Variants in LRIG2 observed in about 807,000 individuals in gnomAD.
LRIG2 encodes leucine rich repeats and immunoglobulin like domains 2.
Under a neutral mutation model 107.8 loss-of-function variants are expected in LRIG2, and 93 were observed. The ratio of observed to expected loss-of-function variants is 0.86; its 90% CI spans 0.73 to 1.03. The LOEUF (loss-of-function observed/expected upper bound fraction) is 1.03. Among genes scored for constraint, LRIG2 ranks in the 50% least tolerant of loss-of-function variants. The pLI is 0.00. For synonymous variants in LRIG2, 471 were observed against 470.6 expected (o/e 1.00, Z -0.01); for missense variants, 1,226 against 1,296.0 (o/e 0.95, Z 0.83).
At chr1:113,115,809 A>C (rs2101062873) in intron 15 of LRIG2, among the ~76,000 whole-genome samples, 1 of 152,304 alleles carries the variant, frequency 6.6e-6, no homozygotes, top group South Asian at 2.1e-4. Flanking sequence ...TACAAGCGTG[A>C]GCCACCACGC....
At chr1:113,089,817 C>T (rs1303079105) in intron 1 of LRIG2, among the ~76,000 whole-genome samples, 5 of 151,230 alleles carry the variant, frequency 3.3e-5, no homozygotes, top group Admixed American at 2.0e-4. Flanking sequence ...CTCAGCCTCC[C>T]GAGTAGCTGG....
At chr1:113,106,025 C>A (rs1654524396) in intron 11 of LRIG2, among the ~76,000 whole-genome samples, 1 of 152,080 alleles carries the variant, frequency 6.6e-6, no homozygotes, top group Admixed American at 6.6e-5. Context: ...GTCAAGAGAT[C>A]AAGACCATCC....
intron 11 of LRIG2, 43 bp from the exon 12 acceptor site, chr1:113,107,551 A>G (rs1268961886): frequency 6.3e-7 from 1 of 1,585,152 alleles, no homozygotes. Flanking sequence ...GTTTAGAATG[A>G]AAAGTAAAAC....
chr1:113,073,251 C>A lies in LRIG2; in HGVS notation c.-156C>A. 1.5e-6 allele frequency: 1 copy of A among 670,080 alleles called. No individual in the cohort carries two copies. The highest frequency in any genetic ancestry group is 2.5e-5 in the East Asian group (1 of 39,400). The allele number at this position is 670,080 out of a possible 1,614,324, so 41.5% of individuals were successfully genotyped here. A position where few individuals can be genotyped will look rare whatever the true frequency, so the allele number is the denominator to read the frequency against. The stretch of plus-strand genomic sequence containing the variant: ...TCCCAGGCCGTCGACCCCGCTGTCG[C>A]GCTGCGTCTGCTCCTTGCATGCCTT... On this transcript the variant is annotated 5_prime_UTR_variant, in exon 1 of 18. Coordinates refer to ENST00000361127, the MANE Select transcript of LRIG2 (RefSeq NM_014813.3).
intron 1 of LRIG2, among the ~76,000 whole-genome samples, chr1:113,089,696 T>TTTTTG: frequency 6.9e-6 from 1 of 144,452 alleles, no homozygotes. Context: ...TTTTTTTTTT[T>TTTTTG]TTGGAGACAG....
At chr1:113,107,081 T>C (rs1402765634) in intron 11 of LRIG2, among the ~76,000 whole-genome samples, 2 of 152,168 alleles carry the variant, frequency 1.3e-5, no homozygotes, top group Non-Finnish European at 2.9e-5. Flanking sequence ...CACACAAATA[T>C]ATATATACAT....
intron 1 of LRIG2, among the ~76,000 whole-genome samples, chr1:113,079,052 A>G (rs1653127601): frequency 6.6e-6 from 1 of 152,150 alleles, no homozygotes. Flanking sequence ...TAAATTGAAA[A>G]TGAGCCCTGT....
intron 16 of LRIG2, among the ~76,000 whole-genome samples, chr1:113,117,065 A>T (rs1655051901): frequency 6.6e-6 from 1 of 152,192 alleles, no homozygotes; most frequent in African/African-American, 2.4e-5. Context: ...GAGTTCCCTA[A>T]TTAAATGAAC....
Position 113,107,669 on chromosome 1 carries a change from T to A in LRIG2, c.1389T>A (p.Phe463Leu). Residue 463 changes from phenylalanine (F) to leucine (L), a missense_variant, in exon 12 of 18, where the codon TTT becomes TTA. Phe to Leu is a conservative substitution (Grantham distance 22). Coordinates refer to ENST00000361127, the MANE Select transcript of LRIG2 (RefSeq NM_014813.3). The part of the protein sequence containing the change: ...WLLQWLVDNN[F>L]QHSVNVSCAH... ...TTCAATGGTTGGTTGATAATAACTT[T>A]CAACATTCTGTGAATGTAAGCTGTG... The A allele has an allele frequency of 1.9e-6, 3 of 1,613,958 alleles. No homozygotes were observed. The highest frequency in any genetic ancestry group is 2.5e-6 in the Non-Finnish European group (3 of 1,179,888).
Position 113,128,433 on chromosome 1 carries a change from A to G in LRIG2, c.*4332A>G, listed in dbSNP as rs1655571553. 1 of 152,122 alleles carries G rather than the reference A, an allele frequency of 6.6e-6. No individual in the cohort carries two copies. 9.4% of individuals were successfully genotyped at this position (152,122 alleles called of 1,614,324 possible). On this transcript the variant is annotated 3_prime_UTR_variant, in exon 18 of 18. Transcript: ENST00000361127. ...CAAGGGTGAGTCTTTTTACTTCTCT[A>G]GGCTAGATTTTCTCATTTATGAAAT...
intron 6 of LRIG2, among the ~76,000 whole-genome samples, chr1:113,095,404 A>G (rs1168273547): frequency 1.3e-5 from 2 of 151,738 alleles, no homozygotes; most frequent in African/African-American, 4.8e-5. Flanking sequence ...CTAGCACTAA[A>G]TCTCTTTTTT....
At position 113,110,477 on chromosome 1, in the gene LRIG2, T is replaced by C; in HGVS notation, c.1713T>C (p.Asn571=). The change falls in exon 13 of 18, where the codon AAT becomes AAC. Residue 571 remains asparagine (N), a synonymous_variant. Coordinates refer to ENST00000361127, the MANE Select transcript of LRIG2 (RefSeq NM_014813.3). ...GTATCTTACATCTTTTCAATGTGAA[T>C]TTCACAGATGAAGGAAAATATCAGT... ...YTSILHLFNV[N]FTDEGKYQCI... 6.2e-7 allele frequency: 1 copy of C among 1,613,880 alleles called. No individual in the cohort carries two copies. Among genetic ancestry groups the C allele is most frequent in the Non-Finnish European group, 8.5e-7 (1 of 1,179,700 alleles).
chr1:113,124,009 T>G lies in LRIG2; in HGVS notation c.3106T>G (p.Ser1036Ala). ...EGLAGREPDC[S>A]ASSMSCHRLQ... is the part of the protein sequence containing the mutation. ...CCTGGCAGGGAGAGAGCCAGACTGTTCTGCTTCTTCCATGTCCTGCCACAG... is the reference window on the plus strand; with the variant it reads ...CCTGGCAGGGAGAGAGCCAGACTGTGCTGCTTCTTCCATGTCCTGCCACAG... Residue 1036 changes from serine to alanine, a missense_variant, in exon 18 of 18, where the codon TCT becomes GCT. Physicochemically the swap from Ser to Ala is moderately conservative, Grantham distance 99. Coordinates refer to ENST00000361127, the MANE Select transcript of LRIG2 (RefSeq NM_014813.3). The G allele has an allele frequency of 6.2e-7, 1 of 1,614,154 alleles. No homozygotes were observed. The highest frequency in any genetic ancestry group is 8.5e-7 in the Non-Finnish European group (1 of 1,180,030).
chr1:113,130,292 A>G lies in LRIG2; in HGVS notation c.*6191A>G, dbSNP rs769175793. ...AACTCAGAATAACTTTCATGTTTAA[A>G]AACAGCTGTCTTCACATTGCCCATT... On this transcript the variant is annotated 3_prime_UTR_variant, in exon 18 of 18. Coordinates refer to ENST00000361127, the MANE Select transcript of LRIG2 (RefSeq NM_014813.3). 2.6e-5 allele frequency: 4 copies of G among 152,222 alleles called. No individual in the cohort carries two copies. Among genetic ancestry groups the G allele is most frequent in the Non-Finnish European group, 4.4e-5 (3 of 68,046 alleles). The allele number at this position is 152,222 out of a possible 1,614,324, so 9.4% of individuals were successfully genotyped here.
chr1:113,080,614 A>C (rs1218729606), intron 1 of LRIG2, among the ~76,000 whole-genome samples: 2 of 146,484 alleles, frequency 1.4e-5, no homozygotes, highest in African/African-American at 2.5e-5. Context: ...TCCTGACCTC[A>C]TGATCCACCC....
At chr1:113,104,221 C>T (rs1357673987) in intron 11 of LRIG2, among the ~76,000 whole-genome samples, 4 of 152,150 alleles carry the variant, frequency 2.6e-5, no homozygotes, top group African/African-American at 7.2e-5. Context: ...CCCTTGAGCC[C>T]TTTGATATGA....
intron 7 of LRIG2, 61 bp from the exon 8 acceptor site, chr1:113,096,161 A>G: frequency 6.3e-7 from 1 of 1,589,078 alleles, no homozygotes; most frequent in Non-Finnish European, 8.6e-7. Context: ...TAGATATAAT[A>G]AGAATTGTAA....
intron 11 of LRIG2, among the ~76,000 whole-genome samples, chr1:113,104,180 C>T (rs915055531): frequency 1.3e-5 from 2 of 152,194 alleles, no homozygotes; most frequent in Non-Finnish European, 2.9e-5. Context: ...CCTTATTCCT[C>T]CTCTTACCAC....
intron 14 of LRIG2, among the ~76,000 whole-genome samples, 183 bp downstream of exon 14, chr1:113,112,943 G>A (rs1654836091): frequency 6.6e-6 from 1 of 152,120 alleles, no homozygotes; most frequent in South Asian, 2.1e-4. Flanking sequence ...ACTGAAATGT[G>A]GGAAAATACA....
Sources: allele counts gnomAD v4.1 joint callset (sites outside exome capture counted in the v4.1 genomes callset), GRCh38; gene constraint gnomAD v4.1.1; transcripts MANE v1.5; gene names NCBI Gene and HGNC (gene_info 2026-07-23, HGNC 2026-07-21).